WDR35: variants seen among roughly 807,000 people sequenced by gnomAD.
WDR35 encodes WD repeat domain 35, also known as WD repeat-containing protein 35.
A neutral mutation model predicts 158.3 loss-of-function variants in WDR35; 118 were observed. The observed-to-expected ratio is 0.75, with a 90% CI of 0.64 to 0.87. The LOEUF is 0.87. Among genes scored for constraint, WDR35 ranks in the 40% least tolerant of loss-of-function variants. The pLI is 0.00. For synonymous variants in WDR35, 448 were observed against 476.1 expected (o/e 0.94, Z 0.77); for missense variants, 1,263 against 1,405.8 (o/e 0.90, Z 1.62).
intron 11 of WDR35, among the ~76,000 whole-genome samples, chr2:19,957,094 T>C (rs1671468988): frequency 6.6e-6 from 1 of 152,134 alleles, no homozygotes; most frequent in Non-Finnish European, 1.5e-5. Flanking sequence ...AGTTAGAAAG[T>C]AGTAGAGCTG....
chr2:19,944,800 A>C (rs1472389777), intron 16 of WDR35, among the ~76,000 whole-genome samples: 1 of 152,144 alleles, frequency 6.6e-6, no homozygotes, highest in African/African-American at 2.4e-5. Context: ...AAATGTGAAA[A>C]TAATTTAGGA....
At chr2:19,960,216 T>C (rs1332893714) in intron 11 of WDR35, among the ~76,000 whole-genome samples, 1 of 152,114 alleles carries the variant, frequency 6.6e-6, no homozygotes, top group African/African-American at 2.4e-5. Context: ...GTTTATTACA[T>C]ACTAATCATT....
Position 19,914,187 on chromosome 2 carries a change from C to T in WDR35, c.3212G>A (p.Gly1071Glu), listed in dbSNP as rs1167767658. 1 of 1,614,110 alleles carries T rather than the reference C, an allele frequency of 6.2e-7. No homozygotes were observed. Among genetic ancestry groups the T allele is most frequent in the Admixed American group, 1.7e-5 (1 of 60,022 alleles). ...ALCACASRAFGTCSKAFIKLK... is the reference protein window; with the variant it reads ...ALCACASRAFETCSKAFIKLK... ...TTTAATGAAAGCTTTTGAACAAGTCCCAAAGGCTCTGCTGGCGCATGCGCA... is the reference window on the plus strand; with the variant it reads ...TTTAATGAAAGCTTTTGAACAAGTCTCAAAGGCTCTGCTGGCGCATGCGCA... The change falls in exon 26 of 27, where the codon GGG (glycine) becomes GAG (glutamate). Residue 1071 changes from glycine to glutamate, a missense_variant. Transcript: ENST00000281405.
At position 19,934,445 on chromosome 2, in the gene WDR35, CTACT is replaced by C. The variant is rs890846469; in HGVS notation, c.2548-938_2548-935del. Among the ~76,000 whole-genome samples the C allele has an allele frequency of 2.6e-5, 4 of 151,846 alleles. No individual in the cohort carries two copies. The highest frequency in any genetic ancestry group is 9.7e-5 in the African/African-American group (4 of 41,372). On this transcript the variant is annotated intron_variant, in intron 21 of 26. Coordinates refer to ENST00000281405, the MANE Select transcript of WDR35 (RefSeq NM_020779.4). This position sits in a 1 kb window ranked among gnomAD's most constrained non-coding sequence, Gnocchi z 4.6. ...TACACAATTTTGTATCCTGTATTTC[CTACT>C]TAAATATTATGTACACCTTCCCATA...
intron 25 of WDR35, among the ~76,000 whole-genome samples, chr2:19,926,984 A>G (rs1367913903): frequency 6.6e-6 from 1 of 152,188 alleles, no homozygotes; most frequent in Non-Finnish European, 1.5e-5. Flanking sequence ...CGTTGAACAC[A>G]GTCAACTAAC....
At chr2:19,926,988 A>T (rs955853158) in intron 25 of WDR35, among the ~76,000 whole-genome samples, 1 of 152,184 alleles carries the variant, frequency 6.6e-6, no homozygotes, top group African/African-American at 2.4e-5. Flanking sequence ...GAACACAGTC[A>T]ACTAACTGGG....
chr2:19,962,151 CTA>C (rs1489903670), intron 10 of WDR35: 1 of 810,800 alleles, frequency 1.2e-6, no homozygotes, highest in Non-Finnish European at 1.9e-6. Flanking sequence ...AATAAAGTTT[CTA>C]TTTTTATTTT....
chr2:19,941,705 C>T, intron 17 of WDR35, 54 bp downstream of exon 17: 2 of 1,332,336 alleles, frequency 1.5e-6, no homozygotes, highest in Non-Finnish European at 1.0e-6. Context: ...CCGCCTGGTC[C>T]AGAAATAATC....
chr2:19,946,079 T>C (rs1199369070), intron 15 of WDR35, 83 bp from the exon 16 acceptor site: 3 of 1,396,644 alleles, frequency 2.1e-6, no homozygotes, highest in African/African-American at 1.5e-5. Context: ...ATAGCCATTC[T>C]TCTTCAAAAT....
In WDR35 at chr2:19,910,305, A is replaced by C. The variant is rs757636851; in HGVS notation, c.*3253T>G. 3.9e-5 allele frequency: 6 copies of C among 152,244 alleles called. No individual in the cohort carries two copies. Among genetic ancestry groups the C allele is most frequent in the Non-Finnish European group, 8.8e-5 (6 of 68,044 alleles). The allele number at this position is 152,244 out of a possible 1,614,324, so 9.4% of individuals were successfully genotyped here. ...TATTATTTTCGTATTTTTTCACTTA[A>C]TACTACATAAAATCTAAGATCTCAG... On this transcript the variant is annotated 3_prime_UTR_variant, in exon 27 of 27. Transcript: ENST00000281405.
chr2:19,961,085 A>G (rs1441704477), intron 10 of WDR35, among the ~76,000 whole-genome samples: 1 of 152,240 alleles, frequency 6.6e-6, no homozygotes, highest in African/African-American at 2.4e-5. Context: ...CCTGTCAAAG[A>G]AACATTAATT....
intron 15 of WDR35, 81 bp downstream of exon 15, chr2:19,946,380 C>T (rs1671053099): frequency 1.7e-6 from 2 of 1,168,568 alleles, no homozygotes; most frequent in African/African-American, 3.0e-5. Context: ...CCCATCTTTA[C>T]ATTTATTACA....
At position 19,936,347 on chromosome 2, in the gene WDR35, G is replaced by C; in HGVS notation, c.2286C>G (p.Leu762=). Residue 762 remains leucine, a synonymous_variant, in exon 20 of 27, where the codon CTC becomes CTG. Coordinates refer to ENST00000281405, the MANE Select transcript of WDR35 (RefSeq NM_020779.4). The stretch of plus-strand genomic sequence containing the variant: ...TAAACCAATCCCCCAATTTCAGCCG[G>C]AGGCCAATAGCAAGATCCCTACAAA... ...EMDRRDLAIG[L]RLKLGDWFRV... is the part of the protein sequence containing the mutation. 6.2e-7 allele frequency: 1 copy of C among 1,613,926 alleles called. No individual in the cohort carries two copies. The highest frequency in any genetic ancestry group is 8.5e-7 in the Non-Finnish European group (1 of 1,179,882).
intron 12 of WDR35, 42 bp from the exon 13 acceptor site, chr2:19,951,526 T>A: frequency 1.4e-6 from 2 of 1,437,008 alleles, no homozygotes; most frequent in Non-Finnish European, 1.9e-6. Flanking sequence ...TTAAGTATAG[T>A]TTATACTATT....
At chr2:19,979,880 C>G (rs1247369089) in intron 4 of WDR35, among the ~76,000 whole-genome samples, 1 of 151,924 alleles carries the variant, frequency 6.6e-6, no homozygotes, top group African/African-American at 2.4e-5. Flanking sequence ...CCATTTAAAA[C>G]AGCACACATG....
At chr2:19,930,367 A>T in intron 25 of WDR35, 29 bp downstream of exon 25, 1 of 1,614,112 alleles carries the variant, frequency 6.2e-7, no homozygotes, top group Non-Finnish European at 8.5e-7. Flanking sequence ...ATTTTCAGAC[A>T]TACTATACAC....
intron 10 of WDR35, 69 bp from the exon 11 acceptor site, chr2:19,960,683 T>C (rs1279262634): frequency 5.1e-6 from 6 of 1,173,266 alleles, no homozygotes; most frequent in Non-Finnish European, 7.5e-6. Flanking sequence ...ATGCTTAATA[T>C]ATATCATGCT....
intron 16 of WDR35, among the ~76,000 whole-genome samples, chr2:19,943,932 C>T (rs899042772): frequency 1.3e-5 from 2 of 151,976 alleles, no homozygotes; most frequent in Non-Finnish European, 2.9e-5. Context: ...TTCTTAACAA[C>T]ACTCAAATGG....
At chr2:19,951,323 G>A (rs1671229290) in intron 13 of WDR35, 92 bp downstream of exon 13, 2 of 1,168,384 alleles carry the variant, frequency 1.7e-6, no homozygotes, top group Admixed American at 2.2e-5. Context: ...CCTATTCACT[G>A]GAAACAAATT....
Sources: allele counts gnomAD v4.1 joint callset (sites outside exome capture counted in the v4.1 genomes callset), GRCh38; gene constraint gnomAD v4.1.1; non-coding constraint Gnocchi (gnomAD v3.1); transcripts MANE v1.5; gene names NCBI Gene and HGNC (gene_info 2026-07-23, HGNC 2026-07-21).